Variants in GRID1 observed in about 807,000 individuals in gnomAD.
GRID1 encodes the protein glutamate receptor ionotropic, delta-1.
A neutral mutation model predicts 98.0 loss-of-function variants in GRID1; 28 were observed. That is an observed-to-expected ratio of 0.29 (90% CI 0.21 to 0.39). GRID1 has a LOEUF of 0.39. GRID1 is among the 10% of genes least tolerant of loss of function. The probability of loss-of-function intolerance (pLI) is 1.00; values close to 1 mark genes in which losing one functional copy is unlikely to be tolerated. For missense variants in GRID1, 1,111 were observed against 1,340.5 expected (o/e 0.83, Z 2.67); for synonymous variants, 553 against 538.5 (o/e 1.03, Z -0.37).
Position 85,881,102 on chromosome 10 carries a change from C to T in GRID1, c.781-11922G>A, listed in dbSNP as rs539449943. On this transcript the variant is annotated intron_variant, in intron 5 of 15. Transcript: ENST00000327946. ...GACCTCTTCAAGGAGAACTACAAAC[C>T]ACTGCTCAATGAAATAAAAGAGGAT... Among the ~76,000 whole-genome samples the T allele has an allele frequency of 2.3e-3, 343 of 152,240 alleles. 1 individual carries two copies. Among genetic ancestry groups the T allele is most frequent in the African/African-American group, 7.5e-3 (312 of 41,546 alleles).
At chr10:85,722,900 G>A (rs968445208) in intron 12 of GRID1, 103 bp downstream of exon 12, 2 of 901,152 alleles carry the variant, frequency 2.2e-6, no homozygotes, top group African/African-American at 3.4e-5. Flanking sequence ...TCAGTTTGCA[G>A]ATCAGGGCTC....
intron 4 of GRID1, among the ~76,000 whole-genome samples, chr10:86,086,639 T>A (rs1436943167): frequency 6.6e-6 from 1 of 152,122 alleles, no homozygotes; most frequent in Non-Finnish European, 1.5e-5. Flanking sequence ...TGCAAGCATG[T>A]GTGTGCATGT....
intron 2 of GRID1, 113 bp downstream of exon 2, chr10:86,363,828 G>A (rs1336231565): frequency 7.9e-6 from 7 of 891,138 alleles, no homozygotes; most frequent in Non-Finnish European, 1.2e-5. Context: ...CGCGGCTGCC[G>A]AGGAACAGAG....
intron 4 of GRID1, among the ~76,000 whole-genome samples, chr10:86,004,349 C>T (rs1291622678): frequency 6.6e-6 from 1 of 152,182 alleles, no homozygotes; most frequent in Non-Finnish European, 1.5e-5. Context: ...TTCCCAAAGT[C>T]CCTCTGTAAT....
intron 2 of GRID1, among the ~76,000 whole-genome samples, chr10:86,362,325 A>G (rs1307723880): frequency 1.3e-5 from 2 of 152,212 alleles, no homozygotes; most frequent in Non-Finnish European, 2.9e-5. Context: ...AGCACCTGCA[A>G]GGAGCTGTGA....
intron 12 of GRID1, among the ~76,000 whole-genome samples, chr10:85,664,385 G>A (rs533795368): frequency 1.3e-5 from 2 of 152,166 alleles, no homozygotes; most frequent in South Asian, 4.2e-4. Context: ...TTTCTGCCTA[G>A]CAGTGCCTAC....
chr10:85,942,196 C>T (rs1462266021), intron 4 of GRID1, among the ~76,000 whole-genome samples: 1 of 152,212 alleles, frequency 6.6e-6, no homozygotes, highest in African/African-American at 2.4e-5. Context: ...TTCTCAAAGT[C>T]CCCCTCAAGG....
chr10:85,631,985 GCACACACA>G (rs10634848), intron 13 of GRID1, among the ~76,000 whole-genome samples: 4 of 147,842 alleles, frequency 2.7e-5, no homozygotes, highest in African/African-American at 9.9e-5. Context: ...AAACACATAT[GCACACACA>G]CACACACACA....
intron 5 of GRID1, among the ~76,000 whole-genome samples, chr10:85,902,342 C>T (rs1306599467): frequency 6.6e-6 from 1 of 152,190 alleles, no homozygotes; most frequent in East Asian, 1.9e-4. Flanking sequence ...GCTTTCATCA[C>T]ACTATGCAGA....
At chr10:86,244,929 T>C (rs1846698875) in intron 2 of GRID1, among the ~76,000 whole-genome samples, 2 of 151,532 alleles carry the variant, frequency 1.3e-5, no homozygotes, top group Admixed American at 6.6e-5. Flanking sequence ...GCCCAAAAGA[T>C]TTTTTCCCCT....
chr10:86,353,700 C>T (rs1848495492), intron 2 of GRID1, among the ~76,000 whole-genome samples: 1 of 152,240 alleles, frequency 6.6e-6, no homozygotes, highest in African/African-American at 2.4e-5. Flanking sequence ...CCACCCTCAG[C>T]TCTCCAGGCC....
chr10:86,202,508 G>A (rs1213909188), intron 3 of GRID1, among the ~76,000 whole-genome samples: 6 of 152,296 alleles, frequency 3.9e-5, no homozygotes, highest in South Asian at 2.1e-4. Flanking sequence ...CATTCTTTTC[G>A]ATCCAAACTT....
rs1386776257 is a variant in GRID1 at position 85,865,970 on chromosome 10, G to T, written c.951+3040C>A. 9.5e-3 allele frequency among the ~76,000 whole-genome samples: 926 copies of T among 97,246 alleles called. 37 individuals carry two copies. Among genetic ancestry groups the T allele is most frequent in the African/African-American group, 0.023 (487 of 21,014 alleles). 63.8% of individuals were successfully genotyped at this position (97,246 alleles called of 152,430 possible). On this transcript the variant is annotated intron_variant, in intron 6 of 15. Transcript: ENST00000327946. ...ACATATATATGGAGAGAGAGAGAGA[G>T]AGAGAGAGAGAGAGAGAGAGAGAGA...
chr10:85,881,191 A>G (rs1359071841), intron 5 of GRID1, among the ~76,000 whole-genome samples: 1 of 152,230 alleles, frequency 6.6e-6, no homozygotes, highest in Non-Finnish European at 1.5e-5. Context: ...GAAAATGGCC[A>G]TACTGCCCAA....
At chr10:85,871,116 A>G (rs1843274236) in intron 5 of GRID1, among the ~76,000 whole-genome samples, 1 of 152,152 alleles carries the variant, frequency 6.6e-6, no homozygotes, top group African/African-American at 2.4e-5. Flanking sequence ...TGACAAACCC[A>G]TCATACGTTG....
At chr10:86,224,853 C>T (rs554161414) in intron 2 of GRID1, among the ~76,000 whole-genome samples, 33 of 152,290 alleles carry the variant, frequency 2.2e-4, no homozygotes, top group Middle Eastern at 3.4e-3. Context: ...TGAGATTTTC[C>T]CACCCTCGCA....
intron 2 of GRID1, among the ~76,000 whole-genome samples, chr10:86,217,744 C>T (rs1846196397): frequency 6.6e-6 from 1 of 152,190 alleles, no homozygotes; most frequent in Admixed American, 6.5e-5. Flanking sequence ...AAAACAGGCT[C>T]AGGGAGGGAG....
At chr10:85,964,957 C>T (rs1842317717) in intron 4 of GRID1, among the ~76,000 whole-genome samples, 1 of 152,014 alleles carries the variant, frequency 6.6e-6, no homozygotes, top group South Asian at 2.1e-4. Context: ...AAAAACAACC[C>T]CATCAAAAAG....
intron 8 of GRID1, among the ~76,000 whole-genome samples, chr10:85,794,630 C>T (rs1842509719): frequency 6.6e-6 from 1 of 152,218 alleles, no homozygotes; most frequent in Non-Finnish European, 1.5e-5. Context: ...TTCTCTCAAT[C>T]TACCTTTGAT....
Sources: gnomAD v4.1 joint callset for allele counts (sites outside exome capture counted in the v4.1 genomes callset) on GRCh38, gnomAD v4.1.1 for gene constraint, MANE v1.5 for transcripts, NCBI Gene and HGNC (gene_info 2026-07-23, HGNC 2026-07-21) for gene names.